RBFOX3: variants seen among roughly 807,000 people sequenced by gnomAD.
RBFOX3 encodes the protein RNA binding protein fox-1 homolog 3.
In RBFOX3, 17 loss-of-function variants were observed where a neutral mutation model predicts 48.7. The ratio of observed to expected loss-of-function variants is 0.35; its 90% CI spans 0.24 to 0.52. RBFOX3 has a LOEUF of 0.52. Ranked by LOEUF, RBFOX3 falls within the 20% of genes least tolerant of loss-of-function variation. The pLI, the probability that RBFOX3 is intolerant of heterozygous loss-of-function variation, is 0.94. For synonymous variants in RBFOX3, 212 were observed against 209.5 expected, an observed-to-expected ratio of 1.01 and a Z score of -0.10; for missense variants, 382 against 497.5, an observed-to-expected ratio of 0.77 and a Z score of 2.21.
chr17:79,129,682 G>A (rs562162219), intron 4 of RBFOX3, among the ~76,000 whole-genome samples: 6 of 152,246 alleles, frequency 3.9e-5, no homozygotes, highest in Non-Finnish European at 7.3e-5. Context: ...AGGTAGTGGT[G>A]TGCTGGTAAC....
At chr17:79,357,356 T>C (rs1298831258) in intron 2 of RBFOX3, among the ~76,000 whole-genome samples, 1 of 152,194 alleles carries the variant, frequency 6.6e-6, no homozygotes, top group African/African-American at 2.4e-5. Flanking sequence ...GGCTGGGAGC[T>C]GTGGTTCACG....
chr17:79,554,187 C>T (rs2091407783), intron 1 of RBFOX3, among the ~76,000 whole-genome samples: 1 of 152,184 alleles, frequency 6.6e-6, no homozygotes, highest in Non-Finnish European at 1.5e-5. Flanking sequence ...TTCTTCAGTG[C>T]ATTATTTTTT....
chr17:79,564,894 A>G (rs1022638456), intron 1 of RBFOX3, among the ~76,000 whole-genome samples: 4 of 152,076 alleles, frequency 2.6e-5, no homozygotes, highest in Non-Finnish European at 4.4e-5. Context: ...TACAAAAATT[A>G]GCCGGGCGTG....
At chr17:79,490,433 T>C (rs1467363923) in intron 1 of RBFOX3, among the ~76,000 whole-genome samples, 4 of 151,960 alleles carry the variant, frequency 2.6e-5, no homozygotes, top group African/African-American at 7.3e-5. Flanking sequence ...CCGGGTTCAG[T>C]GGGGCTGGGG....
chr17:79,663,221 G>A, the RBFOX3 span, among the ~76,000 whole-genome samples: 3 of 152,144 alleles, frequency 2.0e-5, no homozygotes, highest in Non-Finnish European at 4.4e-5. Flanking sequence ...CTTCCTCCAA[G>A]CCAAATGTTT....
intron 1 of RBFOX3, among the ~76,000 whole-genome samples, chr17:79,538,165 A>T (rs1428285980): frequency 6.6e-6 from 1 of 152,248 alleles, no homozygotes; most frequent in Non-Finnish European, 1.5e-5. Flanking sequence ...CCGACAGAAG[A>T]GGAGCTGCCC....
chr17:79,174,665 C>A (rs1166174759), intron 4 of RBFOX3, among the ~76,000 whole-genome samples: 1 of 150,814 alleles, frequency 6.6e-6, no homozygotes, highest in Non-Finnish European at 1.5e-5. Flanking sequence ...ATGCACACAA[C>A]CACTCACACA....
chr17:79,093,643 A>T (rs2074468489), intron 14 of RBFOX3, among the ~76,000 whole-genome samples: 2 of 152,112 alleles, frequency 1.3e-5, no homozygotes, highest in African/African-American at 4.8e-5. Context: ...CACTCTCCCA[A>T]GATGTTTTCA....
rs2056624914 is a variant in RBFOX3 at position 79,200,737 on chromosome 17, G to A, written c.-34+35029C>T. Among the ~76,000 whole-genome samples the A allele has an allele frequency of 3.3e-5, 5 of 152,200 alleles. No individual in the cohort carries two copies. The South Asian group carries it at 1.0e-3, about 31-fold the overall frequency. Reference sequence around the variant, plus strand: ...AAAGCAAACGAGAACTTTGCATGGAGGGTACAGCTTTGCTGGGGAGGGGAA... The same window carrying A: ...AAAGCAAACGAGAACTTTGCATGGAAGGTACAGCTTTGCTGGGGAGGGGAA... On this transcript the variant is annotated intron_variant, in intron 4 of 14. Transcript: ENST00000693108.
rs929276753 is a variant in RBFOX3, at chr17:79,585,354, G to A, written c.-320+25472C>T. Among the ~76,000 whole-genome samples, 26 of 151,990 alleles carry A rather than the reference G, an allele frequency of 1.7e-4. No individual in the cohort carries two copies. The East Asian group carries it at 5.1e-3, about 30-fold the overall frequency. ...GTGCATCACCTAAGGTCAGTAGTCC[G>A]AGACCAGCCTGGCCAACATGGTGAA... On this transcript the variant is annotated intron_variant, in intron 1 of 14. Coordinates refer to ENST00000693108, the MANE Select transcript of RBFOX3 (RefSeq NM_001350451.2).
intron 2 of RBFOX3, among the ~76,000 whole-genome samples, chr17:79,460,035 A>G (rs1555747778): frequency 6.6e-6 from 1 of 152,152 alleles, no homozygotes; most frequent in Non-Finnish European, 1.5e-5. Flanking sequence ...CTCCATTTCT[A>G]CAAAACACTC....
intron 4 of RBFOX3, among the ~76,000 whole-genome samples, chr17:79,167,726 T>A (rs1229296135): frequency 6.6e-6 from 1 of 152,108 alleles, no homozygotes; most frequent in African/African-American, 2.4e-5. Context: ...ATTCTCCCCA[T>A]CAGCTGCCCT....
chr17:79,394,052 C>G (rs920605677), intron 2 of RBFOX3, among the ~76,000 whole-genome samples: 5 of 151,762 alleles, frequency 3.3e-5, no homozygotes, highest in Non-Finnish European at 7.4e-5. Context: ...AGCTGGTCAT[C>G]AGTGCACATC....
chr17:79,167,674 G>T (rs1416238516), intron 4 of RBFOX3, among the ~76,000 whole-genome samples: 2 of 152,198 alleles, frequency 1.3e-5, no homozygotes, highest in African/African-American at 4.8e-5. Flanking sequence ...TGCTTGGTGG[G>T]TCCCCTGCAG....
chr17:79,469,299 G>A (rs2076764767), intron 2 of RBFOX3, among the ~76,000 whole-genome samples: 1 of 152,176 alleles, frequency 6.6e-6, no homozygotes, highest in African/African-American at 2.4e-5. Context: ...ATGCTGGGCG[G>A]GCTCAAGTCC....
intron 3 of RBFOX3, among the ~76,000 whole-genome samples, chr17:79,256,779 A>C (rs1360040748): frequency 1.3e-5 from 2 of 152,056 alleles, no homozygotes; most frequent in Non-Finnish European, 2.9e-5. Flanking sequence ...TTAGCCGGGC[A>C]TGGTGGCGCA....
intron 1 of RBFOX3, among the ~76,000 whole-genome samples, chr17:79,587,569 G>A (rs1340980775): frequency 6.6e-6 from 1 of 152,214 alleles, no homozygotes; most frequent in Non-Finnish European, 1.5e-5. Context: ...TACAAACCCA[G>A]TGGAGCCACT....
At chr17:79,614,911 T>C (rs916125193), upstream of RBFOX3, among the ~76,000 whole-genome samples, 2 of 151,838 alleles carry the variant, frequency 1.3e-5, no homozygotes, top group Non-Finnish European at 2.9e-5. Flanking sequence ...CCGACCCCCA[T>C]AGGGCCCCCA....
intron 4 of RBFOX3, among the ~76,000 whole-genome samples, chr17:79,215,819 G>A (rs1246443529): frequency 6.6e-6 from 1 of 152,260 alleles, no homozygotes; most frequent in Non-Finnish European, 1.5e-5. Context: ...CTCGGTGCCT[G>A]CTGGGCACAC....
Sources: gnomAD v4.1 joint callset for allele counts (sites outside exome capture counted in the v4.1 genomes callset) on GRCh38, gnomAD v4.1.1 for gene constraint, MANE v1.5 for transcripts, NCBI Gene and HGNC (gene_info 2026-07-23, HGNC 2026-07-21) for gene names.